TUT4: variants seen among roughly 807,000 people sequenced by gnomAD.
TUT4 encodes the protein terminal uridylyl transferase 4.
A neutral mutation model predicts 192.2 loss-of-function variants in TUT4; 36 were observed. The observed-to-expected ratio is 0.19, with a 90% CI of 0.14 to 0.25. TUT4 has a LOEUF of 0.25. TUT4 is among the 10% of genes least tolerant of loss of function. TUT4 has a pLI of 1.00. For synonymous variants in TUT4, 618 were observed against 666.0 expected (o/e 0.93, Z 1.11); for missense variants, 1,493 against 1,957.2 (o/e 0.76, Z 4.47).
chr1:52,474,455 TG>T (rs534694810), intron 13 of TUT4, among the ~76,000 whole-genome samples: 56 of 151,638 alleles, frequency 3.7e-4, no homozygotes, highest in Middle Eastern at 3.4e-3. Context: ...CCTTTTATTT[TG>T]GGGGGGGAAG....
intron 28 of TUT4, among the ~76,000 whole-genome samples, chr1:52,425,911 G>C (rs1171787274): frequency 1.3e-5 from 2 of 152,106 alleles, no homozygotes; most frequent in Non-Finnish European, 2.9e-5. Flanking sequence ...ATGTACAAAA[G>C]CCTGAAAGCA....
rs763063399 is a variant in TUT4 at position 52,525,707 on chromosome 1, C to T, written c.574G>A (p.Asp192Asn). ...CCTACAGCTTCAATATTCACTTTGT[C>T]CACAGAAGTAAAGGAGCTTGGAATT... ...KKIPSSFTSV[D>N]KVNIEAVGGE... Residue 192 changes from aspartate to asparagine, a missense_variant, in exon 2 of 30, where the codon GAC (aspartate) becomes AAC (asparagine). By Grantham distance (23) the Asp-to-Asn change is conservative (BLOSUM62 1). Transcript: ENST00000257177. 1.2e-6 allele frequency: 2 copies of T among 1,614,126 alleles called. No individual in the cohort carries two copies. Among genetic ancestry groups the T allele is most frequent in the Non-Finnish European group, 1.7e-6 (2 of 1,180,010 alleles).
chr1:52,452,103 A>C (rs548560933), intron 20 of TUT4, among the ~76,000 whole-genome samples: 16 of 151,996 alleles, frequency 1.1e-4, no homozygotes, highest in South Asian at 2.1e-4. Context: ...TTCCTAACTC[A>C]TTCTACAAGG....
chr1:52,525,793 C>A lies in TUT4; in HGVS notation c.488G>T (p.Gly163Val). The A allele has an allele frequency of 6.2e-7, 1 of 1,614,138 alleles. No homozygotes were observed. The highest frequency in any genetic ancestry group is 8.5e-7 in the Non-Finnish European group (1 of 1,180,026). ...VPSSPAEAEK[G>V]PSLLLKDMRQ... ...CATGTCTTTCAACAGTAAACTGGGTCCCTTTTCTGCTTCTGCTGGTGAACT... is the reference window on the plus strand; with the variant it reads ...CATGTCTTTCAACAGTAAACTGGGTACCTTTTCTGCTTCTGCTGGTGAACT... The change falls in exon 2 of 30, where the codon GGA becomes GTA. Residue 163 changes from glycine (G) to valine (V), a missense_variant. By Grantham distance (109) the Gly-to-Val change is moderately radical. Transcript: ENST00000257177.
chr1:52,464,252 TTTA>T (rs1663437962), intron 16 of TUT4, among the ~76,000 whole-genome samples: 1 of 151,964 alleles, frequency 6.6e-6, no homozygotes, highest in African/African-American at 2.4e-5. Flanking sequence ...ATTTTATTTA[TTTA>T]TTTTTTTTTT....
intron 9 of TUT4, among the ~76,000 whole-genome samples, chr1:52,485,374 G>A (rs1557812035): frequency 1.3e-5 from 2 of 151,580 alleles, no homozygotes; most frequent in South Asian, 4.2e-4. Flanking sequence ...TTTTTACTAG[G>A]GTTTTCTAGG....
At chr1:52,478,677 T>C (rs1340298869) in intron 11 of TUT4, among the ~76,000 whole-genome samples, 1 of 152,194 alleles carries the variant, frequency 6.6e-6, no homozygotes, top group African/African-American at 2.4e-5. Flanking sequence ...AAGGGCTACA[T>C]GCTAAGATGG....
chr1:52,539,989 C>T (rs1391399144), intron 1 of TUT4, among the ~76,000 whole-genome samples: 7 of 150,826 alleles, frequency 4.6e-5, no homozygotes, highest in African/African-American at 1.5e-4. Context: ...GAGGCCAAGG[C>T]GGGCAGATCA....
chr1:52,437,508 T>A (rs1317709933), intron 25 of TUT4: 1 of 152,694 alleles, frequency 6.5e-6, no homozygotes, highest in Non-Finnish European at 1.5e-5. Context: ...GCTCACAGCA[T>A]GTTATCTCAA....
chr1:52,552,203 T>G (rs929174052), intron 1 of TUT4, among the ~76,000 whole-genome samples: 1 of 152,208 alleles, frequency 6.6e-6, no homozygotes, highest in African/African-American at 2.4e-5. Flanking sequence ...CTGATGTGCT[T>G]CTTTCAGGTC....
At chr1:52,542,757 A>ACTTTTTTTTTTTT (rs772350885) in intron 1 of TUT4, among the ~76,000 whole-genome samples, 1 of 147,550 alleles carries the variant, frequency 6.8e-6, no homozygotes, top group South Asian at 2.2e-4. Context: ...CTTTTTATTT[A>ACTTTTTTTTTTTT]TTTATTTATT....
rs1029694485 is a variant in TUT4, at chr1:52,519,932, T to C, written c.719-3878A>G. 3.3e-5 allele frequency among the ~76,000 whole-genome samples: 5 copies of C among 152,154 alleles called. 1 individual carries two copies. The highest frequency in any genetic ancestry group is 6.8e-3 in the Middle Eastern group (2 of 294). On this transcript the variant is annotated intron_variant, in intron 2 of 29. Transcript: ENST00000257177. The stretch of plus-strand genomic sequence containing the variant: ...TACTTGGGAGGCTGAGGCAGGAGAA[T>C]TGCTTGAACCCGGGAGGCGGTGGTT...
intron 1 of TUT4, among the ~76,000 whole-genome samples, chr1:52,528,092 T>C (rs879833549): frequency 2.0e-5 from 3 of 150,902 alleles, no homozygotes; most frequent in Non-Finnish European, 4.4e-5. Flanking sequence ...GGCGGGAGAA[T>C]TGCTTGAACC....
chr1:52,431,058 C>A lies in TUT4; in HGVS notation c.4666G>T (p.Val1556Leu). 1 of 1,604,630 alleles carries A rather than the reference C, an allele frequency of 6.2e-7. No individual in the cohort carries two copies. The highest frequency in any genetic ancestry group is 8.5e-7 in the Non-Finnish European group (1 of 1,172,452). The part of the protein sequence containing the change: ...TSHDGHWPRT[V>L]APNSLVNSGA... ...CTGTTTACCAGGGAATTTGGAGCCA[C>A]AGTACGGGGCCAGTGTCCATCGTGA... The change falls in exon 28 of 30, where the codon GTG becomes TTG. Residue 1556 changes from valine (V) to leucine (L), a missense_variant. Physicochemically the swap from Val to Leu is conservative, Grantham distance 32. Transcript: ENST00000257177.
Position 52,458,342 on chromosome 1 carries a change from T to C in TUT4, c.3429A>G (p.Leu1143=), listed in dbSNP as rs1661554938. The C allele has an allele frequency of 1.9e-6, 3 of 1,612,598 alleles. No individual in the cohort carries two copies. Among genetic ancestry groups the C allele is most frequent in the Non-Finnish European group, 2.5e-6 (3 of 1,179,138 alleles). Residue 1143 remains leucine, a synonymous_variant, in exon 20 of 30, where the codon CTA becomes CTG. Coordinates refer to ENST00000257177, the MANE Select transcript of TUT4 (RefSeq NM_001009881.3). ...AGTTTTCTTAAACACCTACCTCTTG[T>C]AGAACTGGGATAACAGGTGGCTTTC... is the stretch of plus-strand genomic sequence containing the variant. ...QQRKPPVIPV[L]QEIFDGKQIP...
chr1:52,529,031 T>G (rs777287726), intron 1 of TUT4, among the ~76,000 whole-genome samples: 1 of 152,144 alleles, frequency 6.6e-6, no homozygotes, highest in East Asian at 1.9e-4. Context: ...TTCTTTATAG[T>G]GCAGTCCTCT....
At chr1:52,456,470 G>C (rs1661003386) in intron 20 of TUT4, among the ~76,000 whole-genome samples, 1 of 86,624 alleles carries the variant, frequency 1.2e-5, no homozygotes, top group Non-Finnish European at 2.5e-5. Flanking sequence ...CAACAAAAAA[G>C]TCTGAACATT....
intron 1 of TUT4, among the ~76,000 whole-genome samples, chr1:52,533,405 C>A (rs779827634): frequency 1.3e-5 from 2 of 152,192 alleles, no homozygotes; most frequent in African/African-American, 2.4e-5. Context: ...ATCAATAATT[C>A]ATTGACAGAA....
intron 20 of TUT4, among the ~76,000 whole-genome samples, chr1:52,452,353 G>C (rs140183651): frequency 2.7e-4 from 41 of 152,250 alleles, no homozygotes; most frequent in African/African-American, 7.5e-4. Context: ...AACATCCTTG[G>C]AATCTCCAAA....
Sources: gnomAD v4.1 joint callset for allele counts (sites outside exome capture counted in the v4.1 genomes callset) on GRCh38, gnomAD v4.1.1 for gene constraint, MANE v1.5 for transcripts, NCBI Gene and HGNC (gene_info 2026-07-23, HGNC 2026-07-21) for gene names.